Variants in POU2F1 observed in about 807,000 individuals in gnomAD.
POU2F1 encodes the protein POU domain, class 2, transcription factor 1.
Under a neutral mutation model 84.9 loss-of-function variants are expected in POU2F1, and 16 were observed. The ratio of observed to expected loss-of-function variants is 0.19; its 90% confidence interval spans 0.13 to 0.29. POU2F1 has a LOEUF of 0.29. POU2F1 is among the 10% of genes least tolerant of loss of function. The pLI is 1.00. For missense variants in POU2F1, 738 were observed against 942.6 expected, an observed-to-expected ratio of 0.78 and a Z score of 2.84; for synonymous variants, 368 against 368.3, an observed-to-expected ratio of 1.00 and a Z score of 0.01.
intron 2 of POU2F1, among the ~76,000 whole-genome samples, chr1:167,346,771 A>G (rs559048614): frequency 1.3e-5 from 2 of 152,160 alleles, no homozygotes; most frequent in Non-Finnish European, 2.9e-5. Context: ...CCAGTCTTCA[A>G]CCCAGGAGTT....
chr1:167,246,537 G>T (rs1650334094), intron 1 of POU2F1, among the ~76,000 whole-genome samples: 1 of 152,108 alleles, frequency 6.6e-6, no homozygotes, highest in African/African-American at 2.4e-5. Context: ...AAAATTGTTA[G>T]CTTCACAAAT....
At chr1:167,391,559 CTTTTTTTTTTTTTTT>C (rs1175783404) in intron 9 of POU2F1, among the ~76,000 whole-genome samples, 3 of 57,876 alleles carry the variant, frequency 5.2e-5, no homozygotes, top group African/African-American at 1.4e-4. Context: ...TTATATATAT[CTTTTTTTTTTTTTTT>C]TTTTTTTTTT....
At chr1:167,226,762 C>T (rs1399481288) in intron 1 of POU2F1, among the ~76,000 whole-genome samples, 1 of 152,076 alleles carries the variant, frequency 6.6e-6, no homozygotes, top group Non-Finnish European at 1.5e-5. Flanking sequence ...GCATTGGTAT[C>T]TTTGTATACT....
At chr1:167,384,042 A>T in intron 8 of POU2F1, 91 bp downstream of exon 8, 1 of 1,113,508 alleles carries the variant, frequency 9.0e-7, no homozygotes, top group East Asian at 2.7e-5. Flanking sequence ...AAATCTAATA[A>T]AAATAATTCG....
chr1:167,359,382 G>A (rs933277436), intron 2 of POU2F1, among the ~76,000 whole-genome samples: 8 of 151,920 alleles, frequency 5.3e-5, no homozygotes, highest in Non-Finnish European at 1.0e-4. Flanking sequence ...CCTAGTTTCT[G>A]TTTCTGTCTT....
At chr1:167,284,673 CAA>C in intron 1 of POU2F1, among the ~76,000 whole-genome samples, 1 of 152,100 alleles carries the variant, frequency 6.6e-6, no homozygotes. Flanking sequence ...AATTTTATGT[CAA>C]TATTAGATTA....
In POU2F1 at chr1:167,425,286, T is replaced by C. The variant is rs920473992; in HGVS notation, c.*9476T>C. 6.6e-6 allele frequency: 1 copy of C among 152,184 alleles called. No individual in the cohort carries two copies. The highest frequency in any genetic ancestry group is 1.5e-5 in the Non-Finnish European group (1 of 68,042). The allele number at this position is 152,184 out of a possible 1,614,324, so 9.4% of individuals were successfully genotyped here. On this transcript the variant is annotated 3_prime_UTR_variant, in exon 16 of 16. Transcript: ENST00000367866. ...CCAGCCAAAACCAAAGATTTCTTAA[T>C]GATTGTATAAACTCAAAACAAACAA...
rs927795223 is a variant in POU2F1, at chr1:167,360,635, G to T, written c.128-4832G>T. Among the ~76,000 whole-genome samples the T allele has an allele frequency of 3.3e-5, 5 of 152,026 alleles. No homozygotes were observed. In the East Asian group the frequency reaches 9.6e-4, roughly 29 times the overall value. ...GAAGTCAGGTAATGTGATGCTTCTG[G>T]CTTTATTCTTTTTTGTTTAGGATTG... On this transcript the variant is annotated intron_variant, in intron 2 of 15. Transcript: ENST00000367866.
Position 167,376,135 on chromosome 1 carries a change from A to C in POU2F1, c.698A>C (p.Gln233Pro), listed in dbSNP as rs1326385936. ...CAGCCAGCGCAGTTTATCATCTCAC[A>C]GACGCCCCAGGGCCAGCAGGGTGAG... is the stretch of plus-strand genomic sequence containing the variant. ...NLQPAQFIIS[Q>P]TPQGQQGLLQ... Residue 233 changes from glutamine to proline, a missense_variant, in exon 7 of 16, where the codon CAG becomes CCG. Transcript: ENST00000367866. The C allele has an allele frequency of 6.2e-7, 1 of 1,614,224 alleles. No individual in the cohort carries two copies. The highest frequency in any genetic ancestry group is 1.1e-5 in the South Asian group (1 of 91,084).
At chr1:167,414,816 G>T in intron 15 of POU2F1, 3 of 774,988 alleles carry the variant, frequency 3.9e-6, no homozygotes, top group Non-Finnish European at 4.7e-6. Flanking sequence ...AACTTTATTT[G>T]GTGATACATA....
chr1:167,260,157 C>A (rs1404604440), intron 1 of POU2F1, among the ~76,000 whole-genome samples: 5 of 152,252 alleles, frequency 3.3e-5, no homozygotes, highest in African/African-American at 1.2e-4. Flanking sequence ...GGGTTACAGG[C>A]GTAAGCCACT....
intron 9 of POU2F1, among the ~76,000 whole-genome samples, chr1:167,395,358 A>T (rs1306847262): frequency 1.3e-5 from 2 of 152,232 alleles, no homozygotes; most frequent in Non-Finnish European, 2.9e-5. Flanking sequence ...TGATGGTTAC[A>T]AAAGTAGTCT....
At position 167,417,679 on chromosome 1, in the gene POU2F1, C is replaced by G. The variant is rs1047329106; in HGVS notation, c.*1869C>G. 1 of 152,122 alleles carries G rather than the reference C, an allele frequency of 6.6e-6. No individual in the cohort carries two copies. Among genetic ancestry groups the G allele is most frequent in the Non-Finnish European group, 1.5e-5 (1 of 68,036 alleles). 9.4% of individuals were successfully genotyped at this position (152,122 alleles called of 1,614,324 possible). A position where few individuals can be genotyped will look rare whatever the true frequency, so the allele number is the denominator to read the frequency against. ...CCAAGACTGCACTTTTTCTCCCTTT[C>G]GAGCTGGGGATGTAGAGAGAACTTA... On this transcript the variant is annotated 3_prime_UTR_variant, in exon 16 of 16. Transcript: ENST00000367866.
At chr1:167,221,936 G>C (rs1416216077) in intron 1 of POU2F1, among the ~76,000 whole-genome samples, 1 of 152,084 alleles carries the variant, frequency 6.6e-6, no homozygotes, top group Non-Finnish European at 1.5e-5. Flanking sequence ...CCTTTGCGTT[G>C]TCGGCCGGGG....
intron 2 of POU2F1, among the ~76,000 whole-genome samples, chr1:167,334,087 C>A (rs868749959): frequency 6.0e-5 from 9 of 149,596 alleles, no homozygotes; most frequent in Non-Finnish European, 1.3e-4. Flanking sequence ...ATCCCTGTAT[C>A]TACTTTAATG....
chr1:167,273,084 G>A (rs552300248), intron 1 of POU2F1, among the ~76,000 whole-genome samples: 4 of 152,158 alleles, frequency 2.6e-5, no homozygotes, highest in Non-Finnish European at 5.9e-5. Flanking sequence ...GTGCAAGTCC[G>A]AAACCCAGCA....
At chr1:167,369,589 GT>G (rs1414437670) in intron 3 of POU2F1, among the ~76,000 whole-genome samples, 1 of 152,092 alleles carries the variant, frequency 6.6e-6, no homozygotes, top group East Asian at 1.9e-4. Context: ...TGTATTAAAT[GT>G]TTTGACAGAC....
intron 1 of POU2F1, among the ~76,000 whole-genome samples, chr1:167,307,352 G>A (rs1655140942): frequency 6.6e-6 from 1 of 151,884 alleles, no homozygotes; most frequent in South Asian, 2.1e-4. Flanking sequence ...CAATCTGACA[G>A]TGGAATATCT....
chr1:167,233,321 A>G (rs1196122270), intron 1 of POU2F1, among the ~76,000 whole-genome samples: 1 of 143,388 alleles, frequency 7.0e-6, no homozygotes, highest in African/African-American at 2.6e-5. Flanking sequence ...TTTTTTTTGT[A>G]GAGACGGGGC....
Sources: allele counts gnomAD v4.1 joint callset (sites outside exome capture counted in the v4.1 genomes callset), GRCh38; gene constraint gnomAD v4.1.1; transcripts MANE v1.5; gene names NCBI Gene and HGNC (gene_info 2026-07-23, HGNC 2026-07-21).